The following COL5A1 variants were observed in gnomAD, a reference collection of about 807,000 sequenced individuals.
COL5A1 encodes the protein collagen type V alpha 1 chain.
A neutral mutation model predicts 263.7 loss-of-function variants in COL5A1; 16 were observed. The observed-to-expected ratio is 0.06, with a 90% CI of 0.04 to 0.09. The LOEUF (loss-of-function observed/expected upper bound fraction) is 0.09. Among genes scored for constraint, COL5A1 ranks in the 10% least tolerant of loss-of-function variants. The pLI is 1.00. For synonymous variants in COL5A1, 1,012 were observed against 1,004.5 expected, an observed-to-expected ratio of 1.01 and a Z score of -0.14; for missense variants, 2,036 against 2,540.5, an observed-to-expected ratio of 0.80 and a Z score of 4.27.
chr9:134,766,973 C>G lies in COL5A1; in HGVS notation c.2134-27C>G, dbSNP rs376809890. 10 of 1,611,074 alleles carry G rather than the reference C, an allele frequency of 6.2e-6. No homozygotes were observed. The Middle Eastern group carries it at 5.0e-4, about 80-fold the overall frequency. ...GGGATACAGTTCCCAGAGCCCCCTT[C>G]AGTGCCTTTGCTCTTGTCTCCTGTA... On this transcript the variant is annotated intron_variant, in intron 22 of 65. Coordinates refer to ENST00000371817, the MANE Select transcript of COL5A1 (RefSeq NM_000093.5).
rs564359332 is a variant in COL5A1 at position 134,773,212 on chromosome 9, C to T, written c.2331+378C>T. On this transcript the variant is annotated intron_variant, in intron 26 of 65. Transcript: ENST00000371817. ...AGATGCTATTATGAATGGGGACAGA[C>T]CTACCAGGTCACGCCGGTGCCAGGG... Among the ~76,000 whole-genome samples, 3 of 152,308 alleles carry T rather than the reference C, an allele frequency of 2.0e-5. No homozygotes were observed. The South Asian group carries it at 6.2e-4, about 32-fold the overall frequency.
At chr9:134,760,942 C>T (rs1389847630) in intron 18 of COL5A1, among the ~76,000 whole-genome samples, 1 of 149,134 alleles carries the variant, frequency 6.7e-6, no homozygotes, top group East Asian at 2.0e-4. Flanking sequence ...CACACACATG[C>T]ATACACACCC....
chr9:134,790,289 T>C (rs1338355041), intron 32 of COL5A1, among the ~76,000 whole-genome samples: 1 of 152,132 alleles, frequency 6.6e-6, no homozygotes, highest in African/African-American at 2.4e-5. Flanking sequence ...CCTCTCTGTC[T>C]CTGTCCTTTT....
chr9:134,690,212 T>C (rs1225410562), intron 1 of COL5A1, among the ~76,000 whole-genome samples: 1 of 152,150 alleles, frequency 6.6e-6, no homozygotes, highest in Non-Finnish European at 1.5e-5. Flanking sequence ...TGGCTCTGCA[T>C]GGTCTGGCGA....
chr9:134,748,549 G>T (rs761042037), intron 11 of COL5A1, among the ~76,000 whole-genome samples: 1 of 152,214 alleles, frequency 6.6e-6, no homozygotes, highest in Non-Finnish European at 1.5e-5. Context: ...GTGGCTATGA[G>T]GATTGTATGT....
At chr9:134,825,769 C>T (rs1182860077) in intron 62 of COL5A1, 23 bp from the exon 63 acceptor site, 2 of 1,520,394 alleles carry the variant, frequency 1.3e-6, no homozygotes, top group African/African-American at 1.4e-5. Context: ...CTGCCTGCCT[C>T]CCTCCCCGTC....
At chr9:134,735,230 G>A (rs540767055) in intron 9 of COL5A1, among the ~76,000 whole-genome samples, 125 of 150,842 alleles carry the variant, frequency 8.3e-4, no homozygotes, top group African/African-American at 2.8e-3. Flanking sequence ...AAAAAATTGT[G>A]TGCATTGAAG....
intron 53 of COL5A1, 77 bp downstream of exon 53, chr9:134,817,156 T>A: frequency 7.2e-7 from 1 of 1,385,584 alleles, no homozygotes; most frequent in South Asian, 1.2e-5. Flanking sequence ...TCACCTTTGC[T>A]TGGGCCCTGG....
intron 11 of COL5A1, among the ~76,000 whole-genome samples, chr9:134,745,279 G>A (rs994105929): frequency 1.3e-5 from 2 of 152,244 alleles, no homozygotes; most frequent in South Asian, 2.1e-4. Context: ...TGGAGAGAGA[G>A]GTGAAGGGAG....
chr9:134,712,626 T>C, intron 4 of COL5A1, among the ~76,000 whole-genome samples: 1 of 22,598 alleles, frequency 4.4e-5, no homozygotes, highest in Non-Finnish European at 8.4e-5. Context: ...TCCCCCTTCC[T>C]TCCTGTTCCC....
rs76295311 is a variant in COL5A1, at chr9:134,652,566, C to T, written c.109+10270C>T. ...GCACCTGGGGTGGGGGCAGGGCTAT[C>T]GGCCTGTAGTTGGGGGAGTCCGAGG... On this transcript the variant is annotated intron_variant, in intron 1 of 65. Coordinates refer to ENST00000371817, the MANE Select transcript of COL5A1 (RefSeq NM_000093.5). This position sits in a 1 kb window ranked among gnomAD's most constrained non-coding sequence, Gnocchi z 4.4. The T allele has an allele frequency of 1.8e-3, 645 of 358,580 alleles. 10 individuals carry two copies. In the East Asian group the frequency reaches 0.027, roughly 15 times the overall value. The allele number at this position is 358,580 out of a possible 1,614,324, so 22.2% of individuals were successfully genotyped here.
intron 18 of COL5A1, among the ~76,000 whole-genome samples, chr9:134,761,288 C>T (rs1282636222): frequency 5.3e-5 from 8 of 151,918 alleles, no homozygotes. Flanking sequence ...CATGCACTCA[C>T]ACAAACACAC....
intron 28 of COL5A1, among the ~76,000 whole-genome samples, chr9:134,780,695 C>G (rs7861012): frequency 0.18 from 26,733 of 152,222 alleles, 2,823 homozygotes; most frequent in African/African-American, 0.29. Flanking sequence ...CTAAACTACA[C>G]CCCCATGCAT....
chr9:134,785,905 C>A (rs1334684563), intron 30 of COL5A1, 90 bp from the exon 31 acceptor site: 2 of 1,250,350 alleles, frequency 1.6e-6, no homozygotes, highest in Non-Finnish European at 2.3e-6. Flanking sequence ...CTCCAGGCCC[C>A]TGCCAGAACG....
At chr9:134,834,114 G>C (rs796559059) in intron 64 of COL5A1, among the ~76,000 whole-genome samples, 61 of 152,278 alleles carry the variant, frequency 4.0e-4, no homozygotes, top group African/African-American at 1.2e-3. Context: ...AGGGAGAAGT[G>C]TGGTGCAGCT....
chr9:134,842,029 G>T lies in COL5A1; in HGVS notation c.5371-128G>T. On this transcript the variant is annotated intron_variant, in intron 65 of 65. Transcript: ENST00000371817. The surrounding 1 kb of genome is among the most constrained non-coding windows in gnomAD (Gnocchi z 5.8). The stretch of plus-strand genomic sequence containing the variant: ...TCCTCCAACACTTGCCCGGGCAAGC[G>T]CAGCCCTGGGTAGGAGACAGGACAC... The T allele has an allele frequency of 9.5e-7, 1 of 1,051,858 alleles. No individual in the cohort carries two copies. Among genetic ancestry groups the T allele is most frequent in the Non-Finnish European group, 1.4e-6 (1 of 690,618 alleles). The allele number at this position is 1,051,858 out of a possible 1,614,324, so 65.2% of individuals were successfully genotyped here.
At chr9:134,819,189 C>T in intron 57 of COL5A1, 136 bp downstream of exon 57, 1 of 959,024 alleles carries the variant, frequency 1.0e-6, no homozygotes. Context: ...GGTGGGGAAC[C>T]TGAGGGGTGA....
At chr9:134,772,873 G>A in intron 26 of COL5A1, 39 bp downstream of exon 26, 1 of 1,606,544 alleles carries the variant, frequency 6.2e-7, no homozygotes, top group Non-Finnish European at 8.5e-7. Context: ...TCAGCATCCA[G>A]GTGGGGCGGG....
chr9:134,824,546 C>G, intron 61 of COL5A1, 54 bp from the exon 62 acceptor site: 1 of 1,608,928 alleles, frequency 6.2e-7, no homozygotes, highest in Non-Finnish European at 8.5e-7. Context: ...TGCTCATATC[C>G]TGGGACCCTT....
Sources: gnomAD v4.1 joint callset for allele counts (sites outside exome capture counted in the v4.1 genomes callset) on GRCh38, gnomAD v4.1.1 for gene constraint, Gnocchi (gnomAD v3.1) non-coding constraint, MANE v1.5 for transcripts, NCBI Gene and HGNC (gene_info 2026-07-23, HGNC 2026-07-21) for gene names.